The following WFS1 variants were observed in gnomAD, a reference collection of about 807,000 sequenced individuals.
WFS1 encodes wolframin.
WFS1 carries 90 observed loss-of-function variants against 68.5 expected under a neutral mutation model. That is an observed-to-expected ratio of 1.31 (90% CI 1.11 to 1.56). The LOEUF (loss-of-function observed/expected upper bound fraction) is 1.56. WFS1 is among the 40% of genes most tolerant of loss of function. The pLI is 0.00. For missense variants in WFS1, 1,767 were observed against 1,232.6 expected (o/e 1.43, Z -6.49); for synonymous variants, 860 against 540.7 (o/e 1.59, Z -8.19).
rs1302973578 is a variant in WFS1 at position 6,302,047 on chromosome 4, A to T, written c.2252A>T (p.Glu751Val). 1 of 1,612,684 alleles carries T rather than the reference A, an allele frequency of 6.2e-7. No individual in the cohort carries two copies. Among genetic ancestry groups the T allele is most frequent in the Non-Finnish European group, 8.5e-7 (1 of 1,179,994 alleles). ...AGCCCTGGCAACACCTCCACGGCCG[A>T]GGAGGAGCTCTGTCGCCTTAAGCTG... ...ACSPGNTSTA[E>V]EELCRLKLLA... is the part of the protein sequence containing the mutation. The change falls in exon 8 of 8, where the codon GAG becomes GTG. Residue 751 changes from glutamate to valine, a missense_variant. Physicochemically the swap from Glu to Val is moderately radical, Grantham distance 121. Transcript: ENST00000226760.
rs1403390402 is a variant in WFS1 at position 6,301,090 on chromosome 4, TGGCTGTCATCACC to T, written c.1300_1312del (p.Val434SerfsTer4). 6.2e-7 allele frequency: 1 copy of T among 1,613,932 alleles called. No individual in the cohort carries two copies. Among genetic ancestry groups the T allele is most frequent in the African/African-American group, 1.3e-5 (1 of 74,932 alleles). On this transcript the variant is annotated frameshift_variant, in exon 8 of 8. Transcript: ENST00000226760. LOFTEE classifies it high-confidence loss of function. The stretch of plus-strand genomic sequence containing the variant: ...AAGGACTGCATCCCCTGCTCGGAGC[TGGCTGTCATCACC>T]GGCTTCTTTACCGTGACCAGCTACC...
chr4:6,302,720 A>T lies in WFS1; in HGVS notation c.*252A>T. ...CTCCACCCTGAGCCTGACCTTTCTG[A>T]GTGACATGGGTGTGCCAGGCTAGAC... On this transcript the variant is annotated 3_prime_UTR_variant, in exon 8 of 8. Coordinates refer to ENST00000226760, the MANE Select transcript of WFS1 (RefSeq NM_006005.3). 1 of 605,118 alleles carries T rather than the reference A, an allele frequency of 1.7e-6. No homozygotes were observed. The highest frequency in any genetic ancestry group is 2.9e-6 in the Non-Finnish European group (1 of 348,872). The allele number at this position is 605,118 out of a possible 1,614,324, so 37.5% of individuals were successfully genotyped here.
chr4:6,294,812 G>A (rs1399908533), intron 6 of WFS1: 5 of 592,736 alleles, frequency 8.4e-6, no homozygotes, highest in East Asian at 3.1e-5. Context: ...ACACCCAGGG[G>A]CCGGGGGCCA....
intron 1 of WFS1, among the ~76,000 whole-genome samples, chr4:6,271,978 C>G (rs1729856693): frequency 6.6e-6 from 1 of 152,226 alleles, no homozygotes; most frequent in African/African-American, 2.4e-5. Context: ...CACTGTCCCT[C>G]TGCTGCCTCC....
rs1172771687 is a variant in WFS1, at chr4:6,293,497, C to T, written c.712+1500C>T. ...GCTCTCAGGCCTCTGCCATGTTATT[C>T]CACCAAAGCGGCTCGTCTAGGCCAT... On this transcript the variant is annotated intron_variant, in intron 6 of 7. Coordinates refer to ENST00000226760, the MANE Select transcript of WFS1 (RefSeq NM_006005.3). 4.7e-5 allele frequency among the ~76,000 whole-genome samples: 7 copies of T among 148,388 alleles called. No homozygotes were observed. In the South Asian group the frequency reaches 1.1e-3, roughly 24 times the overall value.
In WFS1 at chr4:6,303,036, T is replaced by A. The variant is rs1731020889; in HGVS notation, c.*568T>A. The A allele has an allele frequency of 6.1e-6, 1 of 163,038 alleles. No individual in the cohort carries two copies. Among genetic ancestry groups the A allele is most frequent in the Non-Finnish European group, 1.4e-5 (1 of 73,518 alleles). 10.1% of individuals were successfully genotyped at this position (163,038 alleles called of 1,614,324 possible). ...GCGGCACATTGGCAGTGTGTCACAC[T>A]GAGCTGGGCACCACAGGCTGCCTCA... On this transcript the variant is annotated 3_prime_UTR_variant, in exon 8 of 8. Coordinates refer to ENST00000226760, the MANE Select transcript of WFS1 (RefSeq NM_006005.3).
chr4:6,278,695 G>A (rs963058407), intron 2 of WFS1, among the ~76,000 whole-genome samples: 2 of 152,312 alleles, frequency 1.3e-5, no homozygotes, highest in Admixed American at 6.5e-5. Context: ...AGCGCGCTGA[G>A]GCTCCCATGT....
chr4:6,279,785 G>C (rs1730102885), intron 2 of WFS1, among the ~76,000 whole-genome samples: 1 of 152,236 alleles, frequency 6.6e-6, no homozygotes, highest in South Asian at 2.1e-4. Context: ...CCTGGAGGAG[G>C]CATCGTCGGA....
intron 5 of WFS1, among the ~76,000 whole-genome samples, chr4:6,291,574 G>C (rs1459247866): frequency 6.6e-6 from 1 of 152,192 alleles, no homozygotes; most frequent in African/African-American, 2.4e-5. Context: ...GTGGTGAGGT[G>C]TGTGGGTGGC....
In WFS1 at chr4:6,302,418, G is replaced by T. The variant is rs547459104; in HGVS notation, c.2623G>T (p.Val875Leu). ...HDWRSTVHGA[V>L]KFAFDFFFFP... Reference sequence around the variant, plus strand: ...CTGGCGCAGCACCGTGCATGGCGCCGTGAAGTTCGCCTTCGACTTCTTTTT... The same window carrying T: ...CTGGCGCAGCACCGTGCATGGCGCCTTGAAGTTCGCCTTCGACTTCTTTTT... The change falls in exon 8 of 8, where the codon GTG becomes TTG. Residue 875 changes from valine (V) to leucine (L), a missense_variant. Transcript: ENST00000226760. 2 of 1,613,160 alleles carry T rather than the reference G, an allele frequency of 1.2e-6. No homozygotes were observed. The highest frequency in any genetic ancestry group is 1.7e-6 in the Non-Finnish European group (2 of 1,180,036).
At position 6,301,022 on chromosome 4, in the gene WFS1, G is replaced by C. The variant is rs773225305; in HGVS notation, c.1227G>C (p.Leu409=). The change falls in exon 8 of 8, where the codon CTG becomes CTC. Residue 409 remains leucine (L), a synonymous_variant. Transcript: ENST00000226760. ...WNHLEPYAHF[L]LSVFFVIFSF... The stretch of plus-strand genomic sequence containing the variant: ...ACCTGGAGCCCTATGCCCATTTCCT[G>C]CTCTCTGTCTTCTTCGTCATCTTCT... 1 of 1,614,148 alleles carries C rather than the reference G, an allele frequency of 6.2e-7. No individual in the cohort carries two copies.
At chr4:6,296,162 C>T (rs1730633264) in intron 7 of WFS1, among the ~76,000 whole-genome samples, 1 of 152,232 alleles carries the variant, frequency 6.6e-6, no homozygotes, top group African/African-American at 2.4e-5. Context: ...AGGCAGCAGG[C>T]TGAAAGGTCA....
In WFS1 at chr4:6,287,760, C is replaced by A. The variant is rs561005597; in HGVS notation, c.315+585C>A. 6.6e-6 allele frequency among the ~76,000 whole-genome samples: 1 copy of A among 152,144 alleles called. No individual in the cohort carries two copies. Among genetic ancestry groups the A allele is most frequent in the Non-Finnish European group, 1.5e-5 (1 of 68,028 alleles). On this transcript the variant is annotated intron_variant, in intron 3 of 7. Coordinates refer to ENST00000226760, the MANE Select transcript of WFS1 (RefSeq NM_006005.3). This position sits in a 1 kb window ranked among gnomAD's most constrained non-coding sequence, Gnocchi z 6.4. ...GGGAGAAGCCAGCAGAACGCTGAGA[C>A]GGGAGGTGGCAGGGGGTCCTGTGTC...
Position 6,302,633 on chromosome 4 carries a change from G to A in WFS1, c.*165G>A, listed in dbSNP as rs1301594370. ...GTAGATTGCGTGGACCCCGACAAAGGGAAGGCTGCTGTGTAGCTCTGTCCA... is the reference window on the plus strand; with the variant it reads ...GTAGATTGCGTGGACCCCGACAAAGAGAAGGCTGCTGTGTAGCTCTGTCCA... On this transcript the variant is annotated 3_prime_UTR_variant, in exon 8 of 8. Coordinates refer to ENST00000226760, the MANE Select transcript of WFS1 (RefSeq NM_006005.3). The A allele has an allele frequency of 1.0e-6, 1 of 973,136 alleles. No individual in the cohort carries two copies. The highest frequency in any genetic ancestry group is 2.6e-5 in the East Asian group (1 of 37,838). 60.3% of individuals were successfully genotyped at this position (973,136 alleles called of 1,614,324 possible). A position where few individuals can be genotyped will look rare whatever the true frequency, so the allele number is the denominator to read the frequency against.
chr4:6,297,492 A>G (rs1035989347), intron 7 of WFS1, among the ~76,000 whole-genome samples: 2 of 152,230 alleles, frequency 1.3e-5, no homozygotes, highest in Non-Finnish European at 2.9e-5. Context: ...AACAAACTTA[A>G]TATCTTAAAA....
Position 6,301,760 on chromosome 4 carries a change from G to A in WFS1, c.1965G>A (p.Glu655=), listed in dbSNP as rs1452508606. The A allele has an allele frequency of 1.9e-6, 3 of 1,613,726 alleles. No homozygotes were observed. The highest frequency in any genetic ancestry group is 2.2e-5 in the East Asian group (1 of 44,882). ...LFCWFYVYRS[E]GMKVYNSTLT... ...GCTGGTTCTATGTGTACCGCTCAGA[G>A]GGCATGAAGGTCTACAACTCCACAC... Residue 655 remains glutamate, a synonymous_variant, in exon 8 of 8, where the codon GAG becomes GAA. Transcript: ENST00000226760.
chr4:6,302,991 C>G lies in WFS1; in HGVS notation c.*523C>G, dbSNP rs572689423. 2.4e-5 allele frequency: 4 copies of G among 170,012 alleles called. No homozygotes were observed. Among genetic ancestry groups the G allele is most frequent in the African/African-American group, 9.6e-5 (4 of 41,840 alleles). 10.5% of individuals were successfully genotyped at this position (170,012 alleles called of 1,614,324 possible). ...GCCTGTCACGTGGTCAAGGCCCGGC[C>G]CCATCAGAGGCTGGGGGAGGCGGCA... On this transcript the variant is annotated 3_prime_UTR_variant, in exon 8 of 8. Coordinates refer to ENST00000226760, the MANE Select transcript of WFS1 (RefSeq NM_006005.3).
chr4:6,291,020 G>A (rs1309523166), intron 4 of WFS1, among the ~76,000 whole-genome samples, 177 bp from the exon 5 acceptor site: 1 of 100,740 alleles, frequency 9.9e-6, no homozygotes, highest in Admixed American at 1.1e-4. Flanking sequence ...GCTGGAGAGT[G>A]GGCGTGGCGC....
rs1330844445 is a variant in WFS1 at position 6,289,128 on chromosome 4, A to C, written c.457A>C (p.Arg153=). 6.3e-7 allele frequency: 1 copy of C among 1,576,672 alleles called. No individual in the cohort carries two copies. The highest frequency in any genetic ancestry group is 8.6e-7 in the Non-Finnish European group (1 of 1,161,558). ...GCTTCGCCGGTGCTTGGCGGACAGA[A>C]GAGGTGGGTCTGTGTGAGGCTTAGA... is the stretch of plus-strand genomic sequence containing the variant. The part of the protein sequence containing the change: ...KLLRRCLADR[R]GITSENEREV... The change falls in exon 4 of 8, where the codon AGA becomes CGA. Residue 153 remains arginine (R), a synonymous_variant. Coordinates refer to ENST00000226760, the MANE Select transcript of WFS1 (RefSeq NM_006005.3).
Sources: allele counts gnomAD v4.1 joint callset (sites outside exome capture counted in the v4.1 genomes callset), GRCh38; gene constraint gnomAD v4.1.1; non-coding constraint Gnocchi (gnomAD v3.1); transcripts MANE v1.5; gene names NCBI Gene and HGNC (gene_info 2026-07-23, HGNC 2026-07-21).